The following NDST4 variants were observed in gnomAD, a reference collection of about 807,000 sequenced individuals.
NDST4 encodes N-heparan sulfate sulfotransferase 4.
In NDST4, 63 loss-of-function variants were observed where a neutral mutation model predicts 100.8. The observed-to-expected ratio is 0.62, with a 90% CI of 0.51 to 0.77. NDST4 has a LOEUF of 0.77. Ranked by LOEUF, NDST4 falls within the 30% of genes least tolerant of loss-of-function variation. The pLI is 0.00. For missense variants in NDST4, 943 were observed against 1,018.4 expected (o/e 0.93, Z 1.01); for synonymous variants, 377 against 361.8 (o/e 1.04, Z -0.48).
chr4:115,094,532 T>C (rs539539791), intron 1 of NDST4, among the ~76,000 whole-genome samples: 1 of 152,274 alleles, frequency 6.6e-6, no homozygotes, highest in East Asian at 1.9e-4. Flanking sequence ...CAGTTATCTA[T>C]AAAAAGAATA....
intron 6 of NDST4, among the ~76,000 whole-genome samples, chr4:114,907,974 A>G (rs965742959): frequency 6.6e-6 from 1 of 152,178 alleles, no homozygotes; most frequent in Non-Finnish European, 1.5e-5. Flanking sequence ...CTTAAAGGAA[A>G]ATCATTTAAT....
chr4:115,042,623 T>C (rs1263253507), intron 2 of NDST4, among the ~76,000 whole-genome samples: 3 of 152,106 alleles, frequency 2.0e-5, no homozygotes, highest in Non-Finnish European at 4.4e-5. Context: ...TGTATGTATG[T>C]GTGTATAGGA....
At chr4:115,071,714 A>C (rs1014207260) in intron 2 of NDST4, among the ~76,000 whole-genome samples, 6 of 151,984 alleles carry the variant, frequency 3.9e-5, no homozygotes, top group African/African-American at 9.7e-5. Flanking sequence ...CTCCTTGTGC[A>C]CTAGTGTGTT....
chr4:114,953,623 A>T (rs577293069), intron 4 of NDST4, among the ~76,000 whole-genome samples: 2 of 152,276 alleles, frequency 1.3e-5, no homozygotes, highest in South Asian at 4.1e-4. Flanking sequence ...TGTGAATGCG[A>T]TGTGATGCCT....
At chr4:115,111,849 T>C (rs1729959137) in intron 1 of NDST4, among the ~76,000 whole-genome samples, 1 of 151,904 alleles carries the variant, frequency 6.6e-6, no homozygotes. Context: ...TATTATGAGA[T>C]GTCTATCAAT....
At chr4:114,980,003 A>G (rs1010784654) in intron 2 of NDST4, among the ~76,000 whole-genome samples, 1 of 152,164 alleles carries the variant, frequency 6.6e-6, no homozygotes, top group East Asian at 1.9e-4. Flanking sequence ...AATGATTCAA[A>G]CTAAAAAAAA....
At chr4:114,857,681 A>C (rs1723826126) in intron 7 of NDST4, among the ~76,000 whole-genome samples, 1 of 152,218 alleles carries the variant, frequency 6.6e-6, no homozygotes, top group Admixed American at 6.5e-5. Context: ...TTCAGTTGTC[A>C]GAGTTGTGGG....
intron 1 of NDST4, among the ~76,000 whole-genome samples, chr4:115,111,236 A>T (rs949558708): frequency 6.6e-6 from 1 of 151,932 alleles, no homozygotes; most frequent in Non-Finnish European, 1.5e-5. Context: ...ACGTTTAAGA[A>T]CTAATGTTAG....
At chr4:114,902,037 T>C (rs373116089) in intron 6 of NDST4, among the ~76,000 whole-genome samples, 1 of 152,080 alleles carries the variant, frequency 6.6e-6, no homozygotes, top group South Asian at 2.1e-4. Context: ...ATGTGACACA[T>C]ATATGAAACA....
At chr4:115,086,081 A>G (rs1283411064) in intron 1 of NDST4, among the ~76,000 whole-genome samples, 2 of 152,186 alleles carry the variant, frequency 1.3e-5, no homozygotes, top group African/African-American at 4.8e-5. Context: ...TAATCTGGTT[A>G]AAAGAATTAT....
chr4:115,021,036 A>G (rs1727800718), intron 2 of NDST4, among the ~76,000 whole-genome samples: 2 of 152,026 alleles, frequency 1.3e-5, no homozygotes, highest in Non-Finnish European at 2.9e-5. Context: ...CAAAACTACC[A>G]TGATCCAGCA....
chr4:114,980,388 T>C (rs922753097), intron 2 of NDST4, among the ~76,000 whole-genome samples: 1 of 152,210 alleles, frequency 6.6e-6, no homozygotes, highest in Non-Finnish European at 1.5e-5. Context: ...ATGCCTGTAA[T>C]CCCAGCACTT....
intron 2 of NDST4, among the ~76,000 whole-genome samples, chr4:115,026,476 T>C (rs866373002): frequency 2.0e-5 from 3 of 152,036 alleles, no homozygotes; most frequent in South Asian, 2.1e-4. Context: ...CGTTGTGATT[T>C]CTGTGAAACT....
Position 114,845,845 on chromosome 4 carries a change from T to C in NDST4, c.2093A>G (p.Asp698Gly), listed in dbSNP as rs745906541. The change falls in exon 10 of 14, where the codon GAC becomes GGC. Residue 698 changes from aspartate (D) to glycine (G), a missense_variant. Transcript: ENST00000264363. ...KIITILIDPS[D>G]RAYSWYQHQR... ...TACCTGGTACCAAGAGTATGCCCTG[T>C]CTGAGGGGTCAATGAGGATGGTGAT... 2 of 1,614,014 alleles carry C rather than the reference T, an allele frequency of 1.2e-6. No homozygotes were observed. Among genetic ancestry groups the C allele is most frequent in the East Asian group, 2.2e-5 (1 of 44,856 alleles).
At chr4:114,831,642 C>T (rs893968054) in intron 12 of NDST4, among the ~76,000 whole-genome samples, 1 of 152,104 alleles carries the variant, frequency 6.6e-6, no homozygotes, top group Non-Finnish European at 1.5e-5. Flanking sequence ...TCCTTGTTAT[C>T]CACAGCAGCT....
At chr4:114,832,424 C>T (rs1723219201) in intron 12 of NDST4, among the ~76,000 whole-genome samples, 1 of 152,180 alleles carries the variant, frequency 6.6e-6, no homozygotes, top group African/African-American at 2.4e-5. Flanking sequence ...CAAAATTTCA[C>T]AGGTTTTGTA....
chr4:114,945,012 C>G (rs1725829860), intron 4 of NDST4, among the ~76,000 whole-genome samples: 1 of 151,804 alleles, frequency 6.6e-6, no homozygotes, highest in African/African-American at 2.4e-5. Flanking sequence ...GAGTTCGAGA[C>G]CAGCCTAACC....
intron 2 of NDST4, among the ~76,000 whole-genome samples, chr4:114,986,916 T>C (rs908138194): frequency 8.0e-5 from 12 of 149,684 alleles, no homozygotes; most frequent in African/African-American, 2.9e-4. Flanking sequence ...AAAAGATAAA[T>C]ATATATTTTA....
intron 2 of NDST4, among the ~76,000 whole-genome samples, chr4:114,983,905 G>A (rs1394061715): frequency 2.6e-5 from 4 of 152,110 alleles, no homozygotes; most frequent in Admixed American, 2.0e-4. Context: ...GCAGTCTTGT[G>A]ACAGAGTTCT....
Sources: gnomAD v4.1 joint callset for allele counts (sites outside exome capture counted in the v4.1 genomes callset) on GRCh38, gnomAD v4.1.1 for gene constraint, MANE v1.5 for transcripts, NCBI Gene and HGNC (gene_info 2026-07-23, HGNC 2026-07-21) for gene names.